Variants in ANK3 observed in about 807,000 individuals in gnomAD.
The protein encoded by ANK3 is ankyrin 3.
Under a neutral mutation model 370.9 loss-of-function variants are expected in ANK3, and 57 were observed. That is an observed-to-expected ratio of 0.15 (90% CI 0.12 to 0.19). ANK3 has a LOEUF of 0.19. Ranked by LOEUF, ANK3 falls within the 10% of genes least tolerant of loss-of-function variation. ANK3 has a pLI of 1.00. For missense variants in ANK3, 4,439 were observed against 5,302.1 expected (o/e 0.84, Z 5.06); for synonymous variants, 1,929 against 1,946.3 (o/e 0.99, Z 0.23).
At chr10:60,454,835 A>G (rs1397881203) in intron 2 of ANK3, among the ~76,000 whole-genome samples, 1 of 152,228 alleles carries the variant, frequency 6.6e-6, no homozygotes, top group African/African-American at 2.4e-5. Flanking sequence ...TCTGAAGTTA[A>G]CATAGTGAAA....
At chr10:60,030,850 T>C (rs2073329468) in intron 43 of ANK3, among the ~76,000 whole-genome samples, 2 of 152,222 alleles carry the variant, frequency 1.3e-5, no homozygotes, top group South Asian at 4.1e-4. Flanking sequence ...TTTGGTTTGG[T>C]GACAGTTTTA....
chr10:60,416,762 GA>G (rs1159971634), intron 2 of ANK3, among the ~76,000 whole-genome samples: 1 of 152,122 alleles, frequency 6.6e-6, no homozygotes, highest in Non-Finnish European at 1.5e-5. Flanking sequence ...TACCATATTA[GA>G]CAGCATAGAA....
intron 2 of ANK3, chr10:60,572,419 G>T: frequency 6.6e-7 from 1 of 1,519,380 alleles, no homozygotes; most frequent in East Asian, 2.5e-5. Context: ...TTCCTCCCCA[G>T]AGCCAGAGAA....
chr10:60,052,731 A>G (rs2078318706), intron 42 of ANK3, among the ~76,000 whole-genome samples: 1 of 152,180 alleles, frequency 6.6e-6, no homozygotes, highest in African/African-American at 2.4e-5. Flanking sequence ...TATGAAAATA[A>G]TTCTGGTACT....
intron 2 of ANK3, among the ~76,000 whole-genome samples, chr10:60,443,375 C>T (rs2064350191): frequency 6.6e-6 from 1 of 151,848 alleles, no homozygotes; most frequent in Admixed American, 6.6e-5. Flanking sequence ...GTCTCATAAT[C>T]TAGATGAAAA....
At chr10:60,234,237 A>G (rs2097295155) in intron 8 of ANK3, among the ~76,000 whole-genome samples, 1 of 152,206 alleles carries the variant, frequency 6.6e-6, no homozygotes, top group South Asian at 2.1e-4. Context: ...TTTTGGACAT[A>G]TACCCAGAAG....
At chr10:60,605,927 T>A (rs191556736) in intron 2 of ANK3, among the ~76,000 whole-genome samples, 1 of 152,356 alleles carries the variant, frequency 6.6e-6, no homozygotes, top group East Asian at 1.9e-4. Context: ...TCCTGCCTTC[T>A]AAAGTCATGT....
intron 2 of ANK3, among the ~76,000 whole-genome samples, chr10:60,414,201 A>G (rs2132936479): frequency 6.6e-6 from 1 of 152,274 alleles, no homozygotes; most frequent in South Asian, 2.1e-4. Flanking sequence ...ATTTATATTT[A>G]TCATGTAAAA....
chr10:60,268,726 C>T (rs1002793509), intron 5 of ANK3, among the ~76,000 whole-genome samples: 1 of 152,028 alleles, frequency 6.6e-6, no homozygotes, highest in Non-Finnish European at 1.5e-5. Context: ...TTGATAGTTA[C>T]TGCCAAATGT....
In ANK3 at chr10:60,689,723, C is replaced by G. The variant is rs541127332; in HGVS notation, c.57+43540G>C. ...GCCAAGATCATGCCACCATTGCACTCAAGCCTGGGTGATGGAGCAAGACTT... is the reference window on the plus strand; with the variant it reads ...GCCAAGATCATGCCACCATTGCACTGAAGCCTGGGTGATGGAGCAAGACTT... On this transcript the variant is annotated intron_variant, in intron 1 of 43. Transcript: ENST00000373827. Among the ~76,000 whole-genome samples the G allele has an allele frequency of 1.5e-3, 213 of 138,278 alleles. 1 individual carries two copies. Among genetic ancestry groups the G allele is most frequent in the African/African-American group, 5.5e-3 (208 of 37,598 alleles). 90.7% of individuals were successfully genotyped at this position (138,278 alleles called of 152,430 possible).
intron 1 of ANK3, among the ~76,000 whole-genome samples, chr10:60,364,226 A>G (rs905075228): frequency 2.0e-5 from 3 of 151,368 alleles, no homozygotes; most frequent in Non-Finnish European, 4.4e-5. Context: ...CCTCGGAGGC[A>G]GAGGTTGCAG....
intron 2 of ANK3, among the ~76,000 whole-genome samples, chr10:60,531,674 A>G (rs776608999): frequency 1.4e-4 from 21 of 152,168 alleles, no homozygotes; most frequent in Non-Finnish European, 2.5e-4. Context: ...AAATAACAAT[A>G]AATAGGGAAC....
intron 21 of ANK3, among the ~76,000 whole-genome samples, chr10:60,167,439 T>C (rs2095652180): frequency 6.6e-6 from 1 of 152,232 alleles, no homozygotes; most frequent in East Asian, 1.9e-4. Flanking sequence ...AGGTGATGCA[T>C]TGGCAGATCA....
intron 8 of ANK3, among the ~76,000 whole-genome samples, chr10:60,233,346 T>G (rs966263537): frequency 6.6e-6 from 1 of 152,236 alleles, no homozygotes; most frequent in African/African-American, 2.4e-5. Context: ...GTCTTGGTTT[T>G]TTCCCCTACC....
intron 1 of ANK3, among the ~76,000 whole-genome samples, chr10:60,282,733 C>T (rs12246346): frequency 0.022 from 3,324 of 152,238 alleles, 110 homozygotes; most frequent in African/African-American, 0.075. Flanking sequence ...TTAGGAAGTA[C>T]ACGCAGAAAC....
intron 7 of ANK3, among the ~76,000 whole-genome samples, chr10:60,253,930 T>C (rs1366807511): frequency 6.6e-6 from 1 of 152,218 alleles, no homozygotes; most frequent in Non-Finnish European, 1.5e-5. Flanking sequence ...GTGGTTTTTA[T>C]TTTCTCACTT....
chr10:60,682,544 C>T (rs935282931), intron 1 of ANK3, among the ~76,000 whole-genome samples: 7 of 152,142 alleles, frequency 4.6e-5, no homozygotes, highest in African/African-American at 1.4e-4. Flanking sequence ...TTACCTTCTC[C>T]TGCCCTCCTT....
chr10:60,109,554 T>C (rs183266518), intron 26 of ANK3, among the ~76,000 whole-genome samples: 33 of 152,312 alleles, frequency 2.2e-4, no homozygotes, highest in African/African-American at 7.2e-4. Context: ...ATTTTTACTA[T>C]GATGAAGCAG....
At chr10:60,393,698 G>A (rs1379789460), upstream of ANK3, among the ~76,000 whole-genome samples, 1 of 152,054 alleles carries the variant, frequency 6.6e-6, no homozygotes, top group Admixed American at 6.6e-5. Flanking sequence ...TATTAATTCA[G>A]CCAATTAATA....
Sources: allele counts gnomAD v4.1 joint callset (sites outside exome capture counted in the v4.1 genomes callset), GRCh38; gene constraint gnomAD v4.1.1; transcripts MANE v1.5; gene names NCBI Gene and HGNC (gene_info 2026-07-23, HGNC 2026-07-21).